Variants in NOSTRIN observed in about 807,000 individuals in gnomAD.
The protein encoded by NOSTRIN is BM247 homolog.
In NOSTRIN, 63 loss-of-function variants were observed where a neutral mutation model predicts 59.0. That is an observed-to-expected ratio of 1.07 (90% CI 0.87 to 1.32). The LOEUF (loss-of-function observed/expected upper bound fraction) is 1.32. NOSTRIN is among the 40% of genes most tolerant of loss of function. The pLI is 0.00. For synonymous variants in NOSTRIN, 200 were observed against 165.4 expected, an observed-to-expected ratio of 1.21 and a Z score of -1.61; for missense variants, 512 against 473.1, an observed-to-expected ratio of 1.08 and a Z score of -0.76.
intron 8 of NOSTRIN, among the ~76,000 whole-genome samples, chr2:168,850,346 C>T (rs1688687007): frequency 1.3e-5 from 2 of 152,164 alleles, no homozygotes; most frequent in Admixed American, 1.3e-4. Flanking sequence ...ATGTGTCTAC[C>T]TGCAAACAGC....
intron 8 of NOSTRIN, among the ~76,000 whole-genome samples, chr2:168,847,210 T>A (rs1052648919): frequency 2.0e-5 from 3 of 152,210 alleles, no homozygotes; most frequent in Non-Finnish European, 4.4e-5. Flanking sequence ...ATTTGATAGA[T>A]AACTAGAAGA....
intron 5 of NOSTRIN, 43 bp from the exon 6 acceptor site, chr2:168,831,429 A>G (rs1271794233): frequency 1.2e-6 from 1 of 849,500 alleles, no homozygotes; most frequent in East Asian, 2.4e-5. Context: ...GCAACTAAAC[A>G]AGAAGAAAGC....
At position 168,831,497 on chromosome 2, in the gene NOSTRIN, C is replaced by T. The variant is rs536141711; in HGVS notation, c.368C>T (p.Ala123Val). 6.9e-6 allele frequency: 6 copies of T among 866,758 alleles called. No individual in the cohort carries two copies. Among genetic ancestry groups the T allele is most frequent in the Non-Finnish European group, 1.0e-5 (5 of 496,698 alleles). 53.7% of individuals were successfully genotyped at this position (866,758 alleles called of 1,614,324 possible). A position where few individuals can be genotyped will look rare whatever the true frequency, so the allele number is the denominator to read the frequency against. Reference protein sequence around the residue: ...KSLDNEVEKTANLVISNWNQQ... With the variant: ...KSLDNEVEKTVNLVISNWNQQ... ...CTTGACAATGAAGTTGAAAAGACAG[C>T]AAATCTTGTCATTAGCAACTGGAAT... Residue 123 changes from alanine to valine, a missense_variant, in exon 6 of 16, where the codon GCA (alanine) becomes GTA (valine). Coordinates refer to ENST00000317647, the MANE Select transcript of NOSTRIN (RefSeq NM_001039724.4).
rs1447213658 is a variant in NOSTRIN, at chr2:168,815,579, A to G, written c.113+3927A>G. On this transcript the variant is annotated intron_variant, in intron 2 of 15. Transcript: ENST00000317647. ...ATAAAAGAAGGAGGTATAGTTGACC[A>G]CTTGTTCAATCCATGATTCATTGCG... Among the ~76,000 whole-genome samples the G allele has an allele frequency of 1.3e-5, 2 of 152,244 alleles. 1 individual carries two copies. The highest frequency in any genetic ancestry group is 4.1e-4 in the South Asian group (2 of 4,834).
At chr2:168,850,058 G>A (rs1026094114) in intron 8 of NOSTRIN, among the ~76,000 whole-genome samples, 17 of 151,840 alleles carry the variant, frequency 1.1e-4, no homozygotes, top group African/African-American at 3.4e-4. Flanking sequence ...GATTACAGGC[G>A]TGTGCCACCA....
intron 13 of NOSTRIN, among the ~76,000 whole-genome samples, chr2:168,860,425 C>T (rs988177294): frequency 6.6e-6 from 1 of 152,180 alleles, no homozygotes; most frequent in African/African-American, 2.4e-5. Flanking sequence ...AATCCCAGAA[C>T]TTTGGGAGGC....
chr2:168,848,036 C>T (rs1688530878), intron 8 of NOSTRIN, among the ~76,000 whole-genome samples: 1 of 152,154 alleles, frequency 6.6e-6, no homozygotes, highest in African/African-American at 2.4e-5. Flanking sequence ...TGTTCTAAAA[C>T]CTGGCTTTTA....
At chr2:168,854,793 G>A (rs1044250395) in intron 10 of NOSTRIN, among the ~76,000 whole-genome samples, 11 of 152,066 alleles carry the variant, frequency 7.2e-5, no homozygotes, top group African/African-American at 2.4e-4. Flanking sequence ...TGTAGCATTC[G>A]TGAATGCATG....
chr2:168,797,079 C>CTTTTTTT (rs775176252), upstream of NOSTRIN, among the ~76,000 whole-genome samples: 44 of 75,050 alleles, frequency 5.9e-4, no homozygotes, highest in African/African-American at 9.4e-4. Flanking sequence ...TTTCTTTTTT[C>CTTTTTTT]TTTTTTTTTT....
At chr2:168,800,542 G>C (rs1685584321), upstream of NOSTRIN, among the ~76,000 whole-genome samples, 1 of 152,144 alleles carries the variant, frequency 6.6e-6, no homozygotes, top group East Asian at 1.9e-4. Context: ...ATGTCCAGGA[G>C]GTCTGAGGGA....
intron 1 of NOSTRIN, among the ~76,000 whole-genome samples, chr2:168,807,135 C>CA (rs1306570209): frequency 1.4e-4 from 21 of 152,236 alleles, no homozygotes; most frequent in South Asian, 6.2e-4. Context: ...CTCCATGGAA[C>CA]CCTTTCAGAG....
At chr2:168,861,890 C>T (rs1689473622) in intron 14 of NOSTRIN, 70 bp from the exon 15 acceptor site, 5 of 1,399,570 alleles carry the variant, frequency 3.6e-6, no homozygotes, top group Admixed American at 3.7e-5. Context: ...TGTTAAATAA[C>T]CAAAGAGCTT....
In NOSTRIN at chr2:168,834,322, G is replaced by C. The variant is rs199669789; in HGVS notation, c.501G>C (p.Arg167=). The C allele has an allele frequency of 2.6e-5, 23 of 872,710 alleles. No individual in the cohort carries two copies. Among genetic ancestry groups the C allele is most frequent in the Admixed American group, 2.4e-4 (14 of 59,170 alleles). The allele number at this position is 872,710 out of a possible 1,614,324, so 54.1% of individuals were successfully genotyped here. Residue 167 remains arginine (R), a synonymous_variant, in exon 7 of 16, where the codon CGG becomes CGC. Transcript: ENST00000317647. The stretch of plus-strand genomic sequence containing the variant: ...AATCTATGACTGAGAAGGAGAAGCG[G>C]AAGGTAAGCTGTCATGGCTGGCTGG... ...SKQSMTEKEK[R]KLLNKLTKST... is the part of the protein sequence containing the mutation.
chr2:168,841,399 C>A (rs1348227503), intron 7 of NOSTRIN, among the ~76,000 whole-genome samples: 1 of 151,402 alleles, frequency 6.6e-6, no homozygotes, highest in Non-Finnish European at 1.5e-5. Context: ...TTTCAGCTAC[C>A]CTGGCCCAGG....
At chr2:168,830,981 A>T (rs1687326738) in intron 5 of NOSTRIN, among the ~76,000 whole-genome samples, 1 of 152,206 alleles carries the variant, frequency 6.6e-6, no homozygotes, top group South Asian at 2.1e-4. Flanking sequence ...GGGATAAGAT[A>T]ATTTGGCTAA....
intron 8 of NOSTRIN, among the ~76,000 whole-genome samples, chr2:168,849,008 T>C (rs1419916306): frequency 2.0e-5 from 3 of 152,138 alleles, no homozygotes; most frequent in Non-Finnish European, 4.4e-5. Context: ...CCATATACCA[T>C]AGATGAATTA....
chr2:168,856,488 T>G (rs1181442317), intron 11 of NOSTRIN: 3 of 554,054 alleles, frequency 5.4e-6, no homozygotes, highest in African/African-American at 1.9e-5. Context: ...GGGAGGAGAA[T>G]TGTTTGAACT....
At chr2:168,853,063 A>G (rs1417296790) in intron 10 of NOSTRIN, among the ~76,000 whole-genome samples, 1 of 152,216 alleles carries the variant, frequency 6.6e-6, no homozygotes, top group African/African-American at 2.4e-5. Flanking sequence ...GGGTTCTACC[A>G]AAGTGTAAGG....
At chr2:168,843,171 G>C (rs1688202803) in intron 8 of NOSTRIN, 54 bp downstream of exon 8, 2 of 833,090 alleles carry the variant, frequency 2.4e-6, no homozygotes, top group Admixed American at 3.7e-5. Context: ...GTGTGACCTT[G>C]AAGATGGAGG....
Sources: gnomAD v4.1 joint callset for allele counts (sites outside exome capture counted in the v4.1 genomes callset) on GRCh38, gnomAD v4.1.1 for gene constraint, MANE v1.5 for transcripts, NCBI Gene and HGNC (gene_info 2026-07-23, HGNC 2026-07-21) for gene names.